CA8: variants seen among roughly 807,000 people sequenced by gnomAD.
CA8 encodes carbonic anhydrase 8 (inactive), also known as carbonic anhydrase-related protein.
A neutral mutation model predicts 41.4 loss-of-function variants in CA8; 22 were observed. The observed-to-expected ratio is 0.53, with a 90% CI of 0.38 to 0.76. The LOEUF is 0.76. Ranked by LOEUF, CA8 falls within the 30% of genes least tolerant of loss-of-function variation. The probability of loss-of-function intolerance (pLI) is 0.00; values close to 1 mark genes in which losing one functional copy is unlikely to be tolerated. For synonymous variants in CA8, 121 were observed against 130.6 expected, an observed-to-expected ratio of 0.93 and a Z score of 0.50; for missense variants, 270 against 352.8, an observed-to-expected ratio of 0.77 and a Z score of 1.88.
intron 3 of CA8, among the ~76,000 whole-genome samples, chr8:60,253,068 C>T (rs1055792690): frequency 2.6e-5 from 4 of 151,392 alleles, no homozygotes; most frequent in Admixed American, 2.0e-4. Context: ...CGTCTCTACA[C>T]CAAAATAAAA....
intron 3 of CA8, chr8:60,232,760 G>A: frequency 3.8e-6 from 1 of 264,754 alleles, no homozygotes; most frequent in Middle Eastern, 1.4e-3. Context: ...ATGAATACCT[G>A]CATAATCAAA....
At chr8:60,260,621 G>A (rs891404476) in intron 3 of CA8, among the ~76,000 whole-genome samples, 8 of 152,132 alleles carry the variant, frequency 5.3e-5, no homozygotes, top group African/African-American at 1.9e-4. Context: ...CATACATATG[G>A]TTTCCTATAA....
intron 8 of CA8, among the ~76,000 whole-genome samples, chr8:60,204,627 T>C (rs1806526627): frequency 6.6e-6 from 1 of 152,214 alleles, no homozygotes; most frequent in Non-Finnish European, 1.5e-5. Context: ...CCTTGGTGTT[T>C]TGGCATTTTA....
intron 2 of CA8, 125 bp from the exon 3 acceptor site, chr8:60,266,174 C>T (rs1253121149): frequency 2.3e-6 from 2 of 857,098 alleles, no homozygotes; most frequent in African/African-American, 3.4e-5. Context: ...TTCACAAAGC[C>T]AAAATGAGAA....
intron 3 of CA8, among the ~76,000 whole-genome samples, chr8:60,249,847 A>T (rs1222694149): frequency 6.6e-6 from 1 of 152,218 alleles, no homozygotes; most frequent in Non-Finnish European, 1.5e-5. Context: ...CAAGCAGTAG[A>T]TCTTATTATT....
chr8:60,229,718 G>A (rs2130488579), intron 4 of CA8, among the ~76,000 whole-genome samples: 1 of 152,254 alleles, frequency 6.6e-6, no homozygotes, highest in African/African-American at 2.4e-5. Flanking sequence ...GGGCCATCCA[G>A]CTCTCCTGCT....
rs1239538333 is a variant in CA8 at position 60,187,215 on chromosome 8, C to A, written c.*2806G>T. 9.2e-5 allele frequency: 14 copies of A among 152,024 alleles called. No individual in the cohort carries two copies. The highest frequency in any genetic ancestry group is 9.2e-4 in the Admixed American group (14 of 15,264). 9.4% of individuals were successfully genotyped at this position (152,024 alleles called of 1,614,324 possible). On this transcript the variant is annotated 3_prime_UTR_variant, in exon 9 of 9. Transcript: ENST00000317995. ...TATGTGGAAATTAAACAATGTACTC[C>A]TAAATAACCATTGCATCAAAAAGAA... is the stretch of plus-strand genomic sequence containing the variant.
At chr8:60,257,040 G>A (rs1808664267) in intron 3 of CA8, among the ~76,000 whole-genome samples, 1 of 151,970 alleles carries the variant, frequency 6.6e-6, no homozygotes, top group Non-Finnish European at 1.5e-5. Context: ...GAGTGCAGTG[G>A]TGCAATCTCT....
intron 7 of CA8, among the ~76,000 whole-genome samples, chr8:60,222,138 A>G (rs540947702): frequency 3.3e-5 from 5 of 152,318 alleles, no homozygotes; most frequent in African/African-American, 1.2e-4. Context: ...GTGCAGTACC[A>G]TTTAGGGCAC....
chr8:60,279,090 T>C (rs1804329676), intron 2 of CA8, among the ~76,000 whole-genome samples: 1 of 151,438 alleles, frequency 6.6e-6, no homozygotes, highest in African/African-American at 2.4e-5. Flanking sequence ...TTGCAAGTGG[T>C]AGGAGAAGTT....
rs575873350 is a variant in CA8, at chr8:60,187,408, A to G, written c.*2613T>C. On this transcript the variant is annotated 3_prime_UTR_variant, in exon 9 of 9. Coordinates refer to ENST00000317995, the MANE Select transcript of CA8 (RefSeq NM_004056.6). ...TCAATAACCTAACCTTCCACCTTAAAATACTGGAAAAGACACAAACTAAAT... is the reference window on the plus strand; with the variant it reads ...TCAATAACCTAACCTTCCACCTTAAGATACTGGAAAAGACACAAACTAAAT... 1 of 152,242 alleles carries G rather than the reference A, an allele frequency of 6.6e-6. No homozygotes were observed. Among genetic ancestry groups the G allele is most frequent in the African/African-American group, 2.4e-5 (1 of 41,556 alleles). 9.4% of individuals were successfully genotyped at this position (152,242 alleles called of 1,614,324 possible). A position where few individuals can be genotyped will look rare whatever the true frequency, so the allele number is the denominator to read the frequency against.
At chr8:60,214,924 G>GA (rs921393789) in intron 7 of CA8, among the ~76,000 whole-genome samples, 8 of 152,132 alleles carry the variant, frequency 5.3e-5, no homozygotes, top group Admixed American at 3.9e-4. Flanking sequence ...AAAGAGACAG[G>GA]AAAAAACAGA....
intron 7 of CA8, among the ~76,000 whole-genome samples, chr8:60,214,814 G>A (rs1806958483): frequency 6.6e-6 from 1 of 152,188 alleles, no homozygotes; most frequent in Non-Finnish European, 1.5e-5. Flanking sequence ...AACATTTAAA[G>A]CAGTTTTCAA....
rs375058498 is a variant in CA8 at position 60,238,507 on chromosome 8, G to C, written c.418-6128C>G. Among the ~76,000 whole-genome samples the C allele has an allele frequency of 9.2e-5, 14 of 151,914 alleles. No individual in the cohort carries two copies. In the East Asian group the frequency reaches 2.5e-3, roughly 27 times the overall value. On this transcript the variant is annotated intron_variant, in intron 3 of 8. Coordinates refer to ENST00000317995, the MANE Select transcript of CA8 (RefSeq NM_004056.6). Reference sequence around the variant, plus strand: ...CAACTGACATCAACCCTCTTCAAAGGAGCTTCCCACTCACACACTCTTCAT... The same window carrying C: ...CAACTGACATCAACCCTCTTCAAAGCAGCTTCCCACTCACACACTCTTCAT...
chr8:60,268,469 T>C (rs1803967803), intron 2 of CA8, among the ~76,000 whole-genome samples: 1 of 152,208 alleles, frequency 6.6e-6, no homozygotes, highest in African/African-American at 2.4e-5. Context: ...AAGAGATCCA[T>C]GCTTCAAAAA....
intron 3 of CA8, chr8:60,264,789 A>G (rs1378370526): frequency 6.6e-6 from 1 of 152,190 alleles, no homozygotes; most frequent in Non-Finnish European, 1.5e-5. Flanking sequence ...TTTTTAATGA[A>G]AGAGATATCC....
chr8:60,208,729 C>G, intron 8 of CA8, 21 bp downstream of exon 8: 1 of 1,608,468 alleles, frequency 6.2e-7, no homozygotes, highest in Non-Finnish European at 8.5e-7. Context: ...ACCTCATTTT[C>G]CTTACTTAAT....
At chr8:60,258,658 G>C (rs1803632846) in intron 3 of CA8, among the ~76,000 whole-genome samples, 1 of 152,190 alleles carries the variant, frequency 6.6e-6, no homozygotes, top group Non-Finnish European at 1.5e-5. Flanking sequence ...GAATCAGTGA[G>C]AGCCCTGAGC....
intron 5 of CA8, 44 bp from the exon 6 acceptor site, chr8:60,224,629 C>A (rs778988761): frequency 1.7e-6 from 2 of 1,197,572 alleles, no homozygotes; most frequent in African/African-American, 1.5e-5. Flanking sequence ...TGTAATATTT[C>A]TAGATTTTAG....
Sources: allele counts gnomAD v4.1 joint callset (sites outside exome capture counted in the v4.1 genomes callset), GRCh38; gene constraint gnomAD v4.1.1; transcripts MANE v1.5; gene names NCBI Gene and HGNC (gene_info 2026-07-23, HGNC 2026-07-21).